Variants in LHFPL6 observed in about 807,000 individuals in gnomAD.
LHFPL6 encodes the protein LHFPL tetraspan subfamily member 6 protein.
In LHFPL6, 9 loss-of-function variants were observed where a neutral mutation model predicts 20.6. The ratio of observed to expected loss-of-function variants is 0.44; its 90% CI spans 0.26 to 0.76. The LOEUF is 0.76. Among genes scored for constraint, LHFPL6 ranks in the 30% least tolerant of loss-of-function variants. The probability of loss-of-function intolerance (pLI) is 0.20; values close to 1 mark genes in which losing one functional copy is unlikely to be tolerated. For synonymous variants in LHFPL6, 105 were observed against 98.7 expected, an observed-to-expected ratio of 1.06 and a Z score of -0.38; for missense variants, 218 against 253.5, an observed-to-expected ratio of 0.86 and a Z score of 0.95.
chr13:39,536,930 C>T (rs1870637067), intron 2 of LHFPL6, among the ~76,000 whole-genome samples: 1 of 152,218 alleles, frequency 6.6e-6, no homozygotes, highest in Non-Finnish European at 1.5e-5. Context: ...TAGCTGTCTC[C>T]TCTCTGTACC....
chr13:39,542,348 A>G (rs1870834223), intron 2 of LHFPL6, among the ~76,000 whole-genome samples: 1 of 152,188 alleles, frequency 6.6e-6, no homozygotes, highest in Non-Finnish European at 1.5e-5. Flanking sequence ...CCAAACTAAT[A>G]AACGTTGGAA....
rs112717475 is a variant in LHFPL6 at position 39,577,614 on chromosome 13, T to C, written c.385+23218A>G. ...ACAACATCTGCATTAATTGGTGGCT[T>C]ATGAGTATCTTTCCAACAACTCAAT... On this transcript the variant is annotated intron_variant, in intron 2 of 3. Coordinates refer to ENST00000379589, the MANE Select transcript of LHFPL6 (RefSeq NM_005780.3). Among the ~76,000 whole-genome samples the C allele has an allele frequency of 4.1e-3, 624 of 152,194 alleles. 4 individuals carry two copies. The highest frequency in any genetic ancestry group is 7.2e-3 in the Non-Finnish European group (492 of 68,000).
intron 2 of LHFPL6, among the ~76,000 whole-genome samples, chr13:39,445,098 C>T (rs142430591): frequency 2.0e-5 from 3 of 152,340 alleles, no homozygotes; most frequent in Non-Finnish European, 2.9e-5. Flanking sequence ...CCATGTGATG[C>T]TTTCAGCCTT....
In LHFPL6 at chr13:39,512,611, A is replaced by AAAAAG. The variant is rs1555265751; in HGVS notation, c.385+88216_385+88220dup. On this transcript the variant is annotated intron_variant, in intron 2 of 3. Coordinates refer to ENST00000379589, the MANE Select transcript of LHFPL6 (RefSeq NM_005780.3). ...AGCGAGCCTCCGTCTCAAAAAAAAA[A>AAAAAG]AAAAGAAAAGAAAAAGAAATCAGAC... Among the ~76,000 whole-genome samples, 54 of 150,666 alleles carry AAAAAG rather than the reference A, an allele frequency of 3.6e-4. 2 individuals carry two copies. In the East Asian group the frequency reaches 5.5e-3, roughly 15 times the overall value.
intron 2 of LHFPL6, among the ~76,000 whole-genome samples, chr13:39,586,363 A>C (rs1392213639): frequency 2.0e-5 from 3 of 152,208 alleles, no homozygotes; most frequent in African/African-American, 7.2e-5. Flanking sequence ...CAATATGCAA[A>C]TGATTCTAAA....
At chr13:39,378,156 GA>G (rs1213029554) in intron 3 of LHFPL6, among the ~76,000 whole-genome samples, 6 of 152,144 alleles carry the variant, frequency 3.9e-5, no homozygotes, top group African/African-American at 1.4e-4. Flanking sequence ...ACATGATTTT[GA>G]AAAATGAAGT....
intron 2 of LHFPL6, among the ~76,000 whole-genome samples, chr13:39,595,933 A>C (rs1236042879): frequency 1.3e-5 from 2 of 152,096 alleles, no homozygotes; most frequent in Admixed American, 1.3e-4. Flanking sequence ...TGGCCAAGGG[A>C]CGTCCAGGAC....
rs1006126 is a variant in LHFPL6, at chr13:39,387,063, T to C, written c.386-8537A>G. ...TCTACCCTTTACTTGAGGCTGACCA[T>C]ACATTGCAGTTATTTGTAAGTATTA... On this transcript the variant is annotated intron_variant, in intron 2 of 3. Coordinates refer to ENST00000379589, the MANE Select transcript of LHFPL6 (RefSeq NM_005780.3). Among the ~76,000 whole-genome samples the C allele has an allele frequency of 3.0e-3, 455 of 152,300 alleles. 1 individual carries two copies. Among genetic ancestry groups the C allele is most frequent in the African/African-American group, 0.011 (438 of 41,558 alleles).
intron 2 of LHFPL6, among the ~76,000 whole-genome samples, chr13:39,590,991 C>T (rs368449175): frequency 6.6e-6 from 1 of 152,196 alleles, no homozygotes; most frequent in African/African-American, 2.4e-5. Flanking sequence ...AAAGACTCTA[C>T]TCTGCCTAAA....
intron 2 of LHFPL6, among the ~76,000 whole-genome samples, chr13:39,396,579 T>C (rs989531480): frequency 6.6e-6 from 1 of 152,008 alleles, no homozygotes; most frequent in Admixed American, 6.6e-5. Flanking sequence ...GAGGATTGCT[T>C]GAGCCCAGGA....
intron 2 of LHFPL6, among the ~76,000 whole-genome samples, chr13:39,416,448 T>C (rs1392389003): frequency 6.6e-6 from 1 of 152,078 alleles, no homozygotes; most frequent in East Asian, 1.9e-4. Context: ...TTTCCCCAAC[T>C]GTGGTGCCAC....
chr13:39,396,198 G>A (rs147632213), intron 2 of LHFPL6, among the ~76,000 whole-genome samples: 1 of 152,186 alleles, frequency 6.6e-6, no homozygotes, highest in East Asian at 1.9e-4. Context: ...CAGAGATGTT[G>A]CCCTCCACTG....
At chr13:39,587,677 T>C (rs1392391694) in intron 2 of LHFPL6, among the ~76,000 whole-genome samples, 1 of 151,486 alleles carries the variant, frequency 6.6e-6, no homozygotes, top group African/African-American at 2.4e-5. Context: ...GTACAAGAAA[T>C]TGGTTCTACA....
intron 2 of LHFPL6, among the ~76,000 whole-genome samples, chr13:39,459,828 CAT>C (rs1195430529): frequency 1.3e-5 from 2 of 152,118 alleles, no homozygotes; most frequent in African/African-American, 4.8e-5. Context: ...CAACCTGAAA[CAT>C]AAACAACTTC....
chr13:39,487,175 A>G (rs750565311), intron 2 of LHFPL6, among the ~76,000 whole-genome samples: 6 of 152,214 alleles, frequency 3.9e-5, no homozygotes, highest in African/African-American at 9.6e-5. Context: ...TCTTCCAAAA[A>G]TTGTTAAAAA....
chr13:39,449,660 C>T (rs944996419), intron 2 of LHFPL6, among the ~76,000 whole-genome samples: 1 of 152,024 alleles, frequency 6.6e-6, no homozygotes, highest in Non-Finnish European at 1.5e-5. Context: ...ATAAGATATA[C>T]AGATTGAGCC....
At chr13:39,448,602 A>G (rs1872356802) in intron 2 of LHFPL6, among the ~76,000 whole-genome samples, 1 of 152,224 alleles carries the variant, frequency 6.6e-6, no homozygotes, top group Non-Finnish European at 1.5e-5. Context: ...TGGTAGTTCT[A>G]GATTTAAATA....
intron 2 of LHFPL6, among the ~76,000 whole-genome samples, chr13:39,475,573 T>C (rs1161307527): frequency 6.6e-6 from 1 of 152,060 alleles, no homozygotes; most frequent in Non-Finnish European, 1.5e-5. Context: ...GCACATCTTG[T>C]AACAGACGAT....
rs543341585 is a variant in LHFPL6 at position 39,447,018 on chromosome 13, T to C, written c.386-68492A>G. Reference sequence around the variant, plus strand: ...AACCCAGTTAATTAGCCACAGACTATTAAATGAACAAATTAGAGCCCAAAT... The same window carrying C: ...AACCCAGTTAATTAGCCACAGACTACTAAATGAACAAATTAGAGCCCAAAT... On this transcript the variant is annotated intron_variant, in intron 2 of 3. Transcript: ENST00000379589. 5.3e-5 allele frequency among the ~76,000 whole-genome samples: 8 copies of C among 152,302 alleles called. No individual in the cohort carries two copies. In the South Asian group the frequency reaches 1.7e-3, roughly 32 times the overall value.
Sources: gnomAD v4.1 joint callset for allele counts (sites outside exome capture counted in the v4.1 genomes callset) on GRCh38, gnomAD v4.1.1 for gene constraint, MANE v1.5 for transcripts, NCBI Gene and HGNC (gene_info 2026-07-23, HGNC 2026-07-21) for gene names.